The following SDK1 variants were observed in gnomAD, a reference collection of about 807,000 sequenced individuals.
The protein encoded by SDK1 is sidekick cell adhesion molecule 1, also known as protein sidekick-1.
SDK1 carries 157 observed loss-of-function variants against 245.5 expected under a neutral mutation model. The observed-to-expected ratio is 0.64, with a 90% CI of 0.56 to 0.73. The LOEUF (loss-of-function observed/expected upper bound fraction) is 0.73, where lower values mean the gene tolerates loss of function less well. Among genes scored for constraint, SDK1 ranks in the 30% least tolerant of loss-of-function variants. The pLI is 0.00. For missense variants in SDK1, 3,583 were observed against 3,002.3 expected (o/e 1.19, Z -4.52); for synonymous variants, 1,647 against 1,278.5 (o/e 1.29, Z -6.15).
At chr7:3,629,255 C>A (rs1224141486) in intron 2 of SDK1, among the ~76,000 whole-genome samples, 1 of 150,412 alleles carries the variant, frequency 6.6e-6, no homozygotes, top group Non-Finnish European at 1.5e-5. Flanking sequence ...GAGCTGAGAT[C>A]TCGCCACTGC....
chr7:3,409,313 T>G (rs919677295), intron 1 of SDK1, among the ~76,000 whole-genome samples: 3 of 100,882 alleles, frequency 3.0e-5, no homozygotes, highest in Non-Finnish European at 6.2e-5. Context: ...TTTTTTTTTT[T>G]GGATGCCTTT....
chr7:3,807,574 C>A (rs915332649), intron 4 of SDK1, among the ~76,000 whole-genome samples: 6 of 152,112 alleles, frequency 3.9e-5, no homozygotes, highest in African/African-American at 1.4e-4. Flanking sequence ...GACAAAGACA[C>A]ACGAAGACAG....
At position 3,415,964 on chromosome 7, in the gene SDK1, T is replaced by C. The variant is rs577506591; in HGVS notation, c.298+114080T>C. Among the ~76,000 whole-genome samples the C allele has an allele frequency of 5.9e-5, 9 of 152,276 alleles. No homozygotes were observed. The East Asian group carries it at 1.7e-3, about 29-fold the overall frequency. On this transcript the variant is annotated intron_variant, in intron 1 of 44. Transcript: ENST00000404826. ...GCTCCCTACCTTCATATTCTGTTAG[T>C]GTTGTCATAATATGAGGCTTGCAAT...
intron 1 of SDK1, among the ~76,000 whole-genome samples, chr7:3,462,360 T>C (rs1479957579): frequency 6.6e-6 from 1 of 152,198 alleles, no homozygotes; most frequent in African/African-American, 2.4e-5. Context: ...TTGAGTATCA[T>C]TATAATATCA....
intron 36 of SDK1, among the ~76,000 whole-genome samples, chr7:4,206,968 G>C (rs939141860): frequency 6.6e-6 from 1 of 152,238 alleles, no homozygotes; most frequent in Admixed American, 6.5e-5. Context: ...GAGCTTGGAG[G>C]CATGGCGCTA....
At chr7:3,933,333 A>T (rs994915821) in intron 5 of SDK1, among the ~76,000 whole-genome samples, 3 of 152,018 alleles carry the variant, frequency 2.0e-5, no homozygotes, top group African/African-American at 7.3e-5. Flanking sequence ...GGCTGGTCTC[A>T]AACTTCTGGG....
At position 4,098,824 on chromosome 7, in the gene SDK1, C is replaced by CTT. The variant is rs58678214; in HGVS notation, c.3325-11812_3325-11811dup. On this transcript the variant is annotated intron_variant, in intron 22 of 44. Transcript: ENST00000404826. ...GATTACAGGAGCACACCACAATGCCCTTTTTTTTTTTTTTTTTTTTTTTTT... is the reference window on the plus strand; with the variant it reads ...GATTACAGGAGCACACCACAATGCCCTTTTTTTTTTTTTTTTTTTTTTTTTTT... 9.2e-4 allele frequency among the ~76,000 whole-genome samples: 76 copies of CTT among 82,866 alleles called. 1 individual carries two copies. Among genetic ancestry groups the CTT allele is most frequent in the African/African-American group, 1.4e-3 (20 of 14,588 alleles). The allele number at this position is 82,866 out of a possible 152,430, so 54.4% of individuals were successfully genotyped here.
rs377266004 is a variant in SDK1 at position 4,077,184 on chromosome 7, C to G, written c.3197C>G (p.Pro1066Arg). ...VTSSTISSGV[P>R]PDLPGAPSNL... ...TCATCCACCATTTCTTCTGGAGTGCCCCCAGGTCAGTAGAATCGTGTGCGG... is the reference window on the plus strand; with the variant it reads ...TCATCCACCATTTCTTCTGGAGTGCGCCCAGGTCAGTAGAATCGTGTGCGG... Residue 1066 changes from proline to arginine, a missense_variant, in exon 21 of 45, where the codon CCC (proline) becomes CGC (arginine). Physicochemically the swap from Pro to Arg is moderately radical, Grantham distance 103. Transcript: ENST00000404826. 6.2e-7 allele frequency: 1 copy of G among 1,613,886 alleles called. No homozygotes were observed. Among genetic ancestry groups the G allele is most frequent in the Non-Finnish European group, 8.5e-7 (1 of 1,179,942 alleles).
chr7:4,051,557 A>G (rs1013105741), intron 18 of SDK1, 81 bp from the exon 19 acceptor site: 3 of 1,244,484 alleles, frequency 2.4e-6, no homozygotes, highest in Non-Finnish European at 2.2e-6. Flanking sequence ...TTTAAAAGAC[A>G]AAATAAAATT....
At chr7:3,405,857 G>A (rs1779040672) in intron 1 of SDK1, among the ~76,000 whole-genome samples, 1 of 140,944 alleles carries the variant, frequency 7.1e-6, no homozygotes, top group Admixed American at 7.4e-5. Context: ...TTGTCGCCCA[G>A]GCTATAGTGC....
chr7:4,032,347 C>T (rs545838847), intron 17 of SDK1, among the ~76,000 whole-genome samples: 3 of 152,154 alleles, frequency 2.0e-5, no homozygotes, highest in Non-Finnish European at 2.9e-5. Context: ...TTATTTGATA[C>T]GGTAAACTGT....
At chr7:4,169,573 G>A (rs924744219) in intron 32 of SDK1, among the ~76,000 whole-genome samples, 6 of 152,198 alleles carry the variant, frequency 3.9e-5, no homozygotes, top group African/African-American at 7.2e-5. Context: ...CTTCAGAGCC[G>A]CCTTCCTCAC....
chr7:4,214,637 G>C (rs1316836967), intron 38 of SDK1, among the ~76,000 whole-genome samples: 2 of 151,672 alleles, frequency 1.3e-5, no homozygotes, highest in Non-Finnish European at 2.9e-5. Flanking sequence ...GGAAGAACAA[G>C]CCATGCAGAC....
intron 4 of SDK1, among the ~76,000 whole-genome samples, chr7:3,728,378 A>AT (rs1779077332): frequency 6.6e-6 from 1 of 152,224 alleles, no homozygotes; most frequent in Non-Finnish European, 1.5e-5. Flanking sequence ...ATAATTTCAA[A>AT]TAGCCCAGTT....
At chr7:3,512,278 A>G (rs910578231) in intron 1 of SDK1, among the ~76,000 whole-genome samples, 4 of 152,132 alleles carry the variant, frequency 2.6e-5, no homozygotes, top group South Asian at 2.1e-4. Flanking sequence ...CTGTGTTTTC[A>G]TAGCTCATTT....
intron 4 of SDK1, among the ~76,000 whole-genome samples, chr7:3,671,203 G>C (rs1425686764): frequency 1.3e-5 from 2 of 152,158 alleles, no homozygotes; most frequent in Non-Finnish European, 1.5e-5. Context: ...TGGACTTCGT[G>C]TCTGTTTCTG....
At chr7:3,884,162 C>A (rs2128100154) in intron 5 of SDK1, among the ~76,000 whole-genome samples, 1 of 151,550 alleles carries the variant, frequency 6.6e-6, no homozygotes, top group Non-Finnish European at 1.5e-5. Flanking sequence ...CTCGCTGCAG[C>A]CTCGACCTCC....
chr7:3,817,873 C>A (rs1215229670), intron 4 of SDK1, among the ~76,000 whole-genome samples: 1 of 152,208 alleles, frequency 6.6e-6, no homozygotes, highest in African/African-American at 2.4e-5. Flanking sequence ...AGCGAGTGCT[C>A]ACTGGAAATG....
At chr7:3,770,406 A>T (rs1455147104) in intron 4 of SDK1, among the ~76,000 whole-genome samples, 1 of 152,226 alleles carries the variant, frequency 6.6e-6, no homozygotes, top group Non-Finnish European at 1.5e-5. Context: ...GGCTTCTGTG[A>T]ACATTCATGC....
Sources: gnomAD v4.1 joint callset for allele counts (sites outside exome capture counted in the v4.1 genomes callset) on GRCh38, gnomAD v4.1.1 for gene constraint, MANE v1.5 for transcripts, NCBI Gene and HGNC (gene_info 2026-07-23, HGNC 2026-07-21) for gene names.